The following PDE1A variants were observed in gnomAD, a reference collection of about 807,000 sequenced individuals.
PDE1A encodes the protein phosphodiesterase 1A.
PDE1A carries 35 observed loss-of-function variants against 61.7 expected under a neutral mutation model. The ratio of observed to expected loss-of-function variants is 0.57; its 90% CI spans 0.43 to 0.75. The LOEUF (loss-of-function observed/expected upper bound fraction) is 0.75. PDE1A is among the 30% of genes least tolerant of loss of function. The pLI, the probability that PDE1A is intolerant of heterozygous loss-of-function variation, is 0.00. For synonymous variants in PDE1A, 232 were observed against 213.2 expected (o/e 1.09, Z -0.77); for missense variants, 597 against 630.6 (o/e 0.95, Z 0.57).
At chr2:182,333,695 C>T (rs1362373833) in intron 1 of PDE1A, among the ~76,000 whole-genome samples, 1 of 151,998 alleles carries the variant, frequency 6.6e-6, no homozygotes, top group Non-Finnish European at 1.5e-5. Flanking sequence ...AAAACAAATT[C>T]AAAAGCTAGC....
chr2:182,219,847 C>T lies in PDE1A; in HGVS notation c.776+4017G>A, dbSNP rs546849348. ...GTGAGATGATGGATATATTAATTTG[C>T]TTCTGTATAATAATCATTTTACTAT... On this transcript the variant is annotated intron_variant, in intron 7 of 13. Transcript: ENST00000351439. Among the ~76,000 whole-genome samples the T allele has an allele frequency of 2.6e-5, 4 of 152,204 alleles. No individual in the cohort carries two copies. The South Asian group carries it at 8.3e-4, about 32-fold the overall frequency.
chr2:182,501,392 T>C (rs1164492204), intron 2 of PDE1A, among the ~76,000 whole-genome samples: 10 of 152,332 alleles, frequency 6.6e-5, no homozygotes, highest in South Asian at 4.1e-4. Flanking sequence ...TATTGTTGTA[T>C]AGGCAATACT....
chr2:182,406,434 C>T (rs1477176654), intron 1 of PDE1A, among the ~76,000 whole-genome samples: 10 of 151,844 alleles, frequency 6.6e-5, no homozygotes, highest in Admixed American at 3.9e-4. Context: ...ACATTTTAGG[C>T]GTTTGCTTAT....
At chr2:182,676,969 G>A in the PDE1A span, among the ~76,000 whole-genome samples, 1 of 152,106 alleles carries the variant, frequency 6.6e-6, no homozygotes, top group African/African-American at 2.4e-5. Flanking sequence ...TACTGAATGG[G>A]CAAAAGCTGG....
chr2:182,357,929 C>T (rs1217734209), intron 1 of PDE1A, among the ~76,000 whole-genome samples: 13 of 152,182 alleles, frequency 8.5e-5, no homozygotes, highest in Admixed American at 8.5e-4. Flanking sequence ...TTGTCCCAAG[C>T]TACCATGTGG....
At chr2:182,556,472 A>G in the PDE1A span, among the ~76,000 whole-genome samples, 1 of 152,204 alleles carries the variant, frequency 6.6e-6, no homozygotes, top group Admixed American at 6.5e-5. Context: ...AAATACTCCT[A>G]TAAATAAATT....
downstream of PDE1A, chr2:182,142,581 C>T (rs1690278432): frequency 1.3e-5 from 2 of 152,058 alleles, no homozygotes; most frequent in South Asian, 4.1e-4. Context: ...TAGTATATTC[C>T]CCAGCACAAC....
chr2:182,407,995 G>C (rs536031802), intron 1 of PDE1A, among the ~76,000 whole-genome samples: 1 of 152,146 alleles, frequency 6.6e-6, no homozygotes, highest in African/African-American at 2.4e-5. Context: ...TTAGGAGTTA[G>C]ACAAACACAG....
At chr2:182,326,514 A>G (rs918431505) in intron 1 of PDE1A, among the ~76,000 whole-genome samples, 2 of 152,196 alleles carry the variant, frequency 1.3e-5, no homozygotes, top group Non-Finnish European at 2.9e-5. Context: ...TGAGGTTCCT[A>G]GAATAGTCAA....
chr2:182,289,781 C>A (rs182242667), intron 1 of PDE1A, among the ~76,000 whole-genome samples: 1 of 152,022 alleles, frequency 6.6e-6, no homozygotes, highest in Admixed American at 6.6e-5. Flanking sequence ...TCTATTATTA[C>A]TCCTAACCTA....
intron 2 of PDE1A, among the ~76,000 whole-genome samples, chr2:182,463,969 G>A (rs191751509): frequency 3.9e-5 from 6 of 152,178 alleles, no homozygotes; most frequent in Admixed American, 3.3e-4. Context: ...TGGTAATGAC[G>A]AGGGAAGAAC....
intron 2 of PDE1A, among the ~76,000 whole-genome samples, chr2:182,243,372 A>G (rs906211391): frequency 2.6e-5 from 4 of 152,188 alleles, no homozygotes; most frequent in African/African-American, 7.2e-5. Context: ...ATGAGGAAGT[A>G]TTAGTTATAG....
the PDE1A span, among the ~76,000 whole-genome samples, chr2:182,563,310 T>A: frequency 3.9e-5 from 6 of 152,222 alleles, no homozygotes; most frequent in African/African-American, 1.4e-4. Context: ...CATTTCATTA[T>A]GTACCCAGTA....
intron 1 of PDE1A, among the ~76,000 whole-genome samples, chr2:182,369,268 G>A (rs1559384333): frequency 6.6e-6 from 1 of 152,142 alleles, no homozygotes; most frequent in Non-Finnish European, 1.5e-5. Context: ...AGCCCATGCA[G>A]TGTACATTCT....
chr2:182,247,980 T>C (rs1466255858), intron 2 of PDE1A, among the ~76,000 whole-genome samples: 1 of 152,216 alleles, frequency 6.6e-6, no homozygotes, highest in Non-Finnish European at 1.5e-5. Context: ...AAATGAAGAC[T>C]TTGTTTTTAA....
At chr2:182,710,085 T>G in the PDE1A span, among the ~76,000 whole-genome samples, 1 of 152,088 alleles carries the variant, frequency 6.6e-6, no homozygotes, top group African/African-American at 2.4e-5. Context: ...TTAGCAGAGA[T>G]ACGGTTTCAC....
chr2:182,200,985 T>TTTG (rs532378610), intron 10 of PDE1A, among the ~76,000 whole-genome samples: 133 of 152,214 alleles, frequency 8.7e-4, no homozygotes, highest in African/African-American at 2.7e-3. Context: ...ACATTAGATT[T>TTTG]TTGTTGTTGT....
chr2:182,214,128 G>T (rs1043935077), intron 7 of PDE1A, among the ~76,000 whole-genome samples: 1 of 151,354 alleles, frequency 6.6e-6, no homozygotes, highest in Non-Finnish European at 1.5e-5. Flanking sequence ...ATTCTTAAAA[G>T]AATTTTCAAC....
chr2:182,403,608 A>AAAAAAAAAAAAAAAAAAAAAG (rs1702137233), intron 1 of PDE1A, among the ~76,000 whole-genome samples: 1 of 150,990 alleles, frequency 6.6e-6, no homozygotes, highest in South Asian at 2.1e-4. Flanking sequence ...CAAAAAAAAA[A>AAAAAAAAAAAAAAAAAAAAAG]AAAAAAGAAA....
Sources: allele counts gnomAD v4.1 joint callset (sites outside exome capture counted in the v4.1 genomes callset), GRCh38; gene constraint gnomAD v4.1.1; transcripts MANE v1.5; gene names NCBI Gene and HGNC (gene_info 2026-07-23, HGNC 2026-07-21).